The following AGMO variants were observed in gnomAD, a reference collection of about 807,000 sequenced individuals.
AGMO encodes the protein glyceryl-ether monooxygenase.
AGMO carries 75 observed loss-of-function variants against 60.2 expected under a neutral mutation model. The observed-to-expected ratio is 1.25, with a 90% CI of 1.03 to 1.51. The LOEUF (loss-of-function observed/expected upper bound fraction) is 1.51. Among genes scored for constraint, AGMO ranks in the 40% most tolerant of loss-of-function variants. The probability of loss-of-function intolerance (pLI) is 0.00; values close to 1 mark genes in which losing one functional copy is unlikely to be tolerated. For synonymous variants in AGMO, 261 were observed against 177.1 expected (o/e 1.47, Z -3.76); for missense variants, 763 against 525.5 (o/e 1.45, Z -4.42).
intron 2 of AGMO, among the ~76,000 whole-genome samples, chr7:15,553,559 A>G (rs1272785648): frequency 6.6e-6 from 1 of 151,918 alleles, no homozygotes; most frequent in Non-Finnish European, 1.5e-5. Context: ...GGCAAATGCC[A>G]CCAGCCTTAT....
chr7:15,376,037 T>C (rs966290200), intron 10 of AGMO, among the ~76,000 whole-genome samples: 1 of 152,162 alleles, frequency 6.6e-6, no homozygotes, highest in East Asian at 1.9e-4. Context: ...ATAATGTATT[T>C]AGGAAAATAC....
rs1562482832 is a variant in AGMO, at chr7:15,392,809, AAC to A, written c.676+1302_676+1303del. On this transcript the variant is annotated intron_variant, in intron 6 of 12. Coordinates refer to ENST00000342526, the MANE Select transcript of AGMO (RefSeq NM_001004320.2). ...ATGAGACTCTGTCTCAAAACAAACA[AAC>A]AAACAAACAAACAAACAAACAACTT... 3.3e-3 allele frequency among the ~76,000 whole-genome samples: 300 copies of A among 90,398 alleles called. 1 individual carries two copies. The highest frequency in any genetic ancestry group is 8.4e-3 in the African/African-American group (278 of 32,972). 59.3% of individuals were successfully genotyped at this position (90,398 alleles called of 152,430 possible). A position where few individuals can be genotyped will look rare whatever the true frequency, so the allele number is the denominator to read the frequency against.
intron 3 of AGMO, among the ~76,000 whole-genome samples, chr7:15,530,425 CGT>C (rs1562555709): frequency 1.7e-5 from 2 of 119,900 alleles, no homozygotes; most frequent in South Asian, 2.7e-4. Flanking sequence ...ATTCTAAATA[CGT>C]ATTTCTATAT....
At chr7:15,251,938 A>G (rs1583329861) in intron 12 of AGMO, among the ~76,000 whole-genome samples, 2 of 152,276 alleles carry the variant, frequency 1.3e-5, no homozygotes, top group East Asian at 3.9e-4. Flanking sequence ...AAAATATAAT[A>G]TGTTTACCAG....
chr7:15,123,087 C>CT, the AGMO span, among the ~76,000 whole-genome samples: 4 of 151,968 alleles, frequency 2.6e-5, no homozygotes, highest in Non-Finnish European at 5.9e-5. Flanking sequence ...TGCTCTTGCC[C>CT]TAGGGACCTA....
intron 12 of AGMO, among the ~76,000 whole-genome samples, chr7:15,279,888 G>GC (rs1338940903): frequency 6.6e-6 from 1 of 152,198 alleles, no homozygotes; most frequent in Non-Finnish European, 1.5e-5. Context: ...CAACAGTAGG[G>GC]AGAGCCTTGT....
the AGMO span, among the ~76,000 whole-genome samples, chr7:15,176,355 C>G: frequency 6.6e-6 from 1 of 151,830 alleles, no homozygotes; most frequent in Non-Finnish European, 1.5e-5. Flanking sequence ...CAGTTTTTCC[C>G]TTGAGCACGT....
intron 12 of AGMO, among the ~76,000 whole-genome samples, chr7:15,261,919 G>T (rs1465472925): frequency 2.0e-5 from 3 of 151,784 alleles, no homozygotes; most frequent in African/African-American, 7.3e-5. Flanking sequence ...AATCTCAATA[G>T]ATAAGCATTA....
chr7:15,319,726 C>CA (rs1171021933), intron 12 of AGMO, among the ~76,000 whole-genome samples: 24 of 151,512 alleles, frequency 1.6e-4, no homozygotes, highest in Admixed American at 7.2e-4. Context: ...TAGTAAGCAG[C>CA]AAGAAAAATG....
intron 3 of AGMO, among the ~76,000 whole-genome samples, chr7:15,516,023 A>C (rs1783798981): frequency 6.6e-6 from 1 of 152,194 alleles, no homozygotes; most frequent in African/African-American, 2.4e-5. Flanking sequence ...TATGATGTAA[A>C]TTACTTTACT....
chr7:15,391,325 ATC>A, intron 6 of AGMO, among the ~76,000 whole-genome samples: 1 of 152,142 alleles, frequency 6.6e-6, no homozygotes, highest in Admixed American at 6.5e-5. Context: ...TTTTAACTGC[ATC>A]TGTTTCAGGA....
At chr7:15,438,790 A>G (rs1476467579) in intron 3 of AGMO, among the ~76,000 whole-genome samples, 3 of 152,202 alleles carry the variant, frequency 2.0e-5, no homozygotes, top group Non-Finnish European at 4.4e-5. Flanking sequence ...GCTGTGAGTG[A>G]AAAGTAAATA....
the AGMO span, among the ~76,000 whole-genome samples, chr7:15,155,640 C>A: frequency 6.6e-6 from 1 of 151,888 alleles, no homozygotes; most frequent in African/African-American, 2.4e-5. Context: ...GTCATTTAAT[C>A]TATTTCAATC....
intron 12 of AGMO, among the ~76,000 whole-genome samples, chr7:15,251,897 G>A (rs1400713349): frequency 2.0e-5 from 3 of 152,188 alleles, no homozygotes; most frequent in Non-Finnish European, 4.4e-5. Flanking sequence ...AGGCATGCTA[G>A]TTATAAGACT....
intron 12 of AGMO, among the ~76,000 whole-genome samples, chr7:15,362,445 T>C (rs763628428): frequency 2.9e-4 from 44 of 152,290 alleles, no homozygotes; most frequent in Non-Finnish European, 4.1e-4. Flanking sequence ...ATAATAATAA[T>C]AGTAACACTC....
intron 3 of AGMO, among the ~76,000 whole-genome samples, chr7:15,504,583 A>C (rs1238881709): frequency 6.6e-6 from 1 of 151,990 alleles, no homozygotes. Context: ...TGGCAATAAC[A>C]TTCCTCTGAC....
chr7:15,472,522 C>T (rs956596591), intron 3 of AGMO, among the ~76,000 whole-genome samples: 7 of 151,766 alleles, frequency 4.6e-5, no homozygotes, highest in Admixed American at 1.3e-4. Context: ...GTCACCCAGC[C>T]GCAACTCTCA....
At chr7:15,210,176 A>G (rs909977489) in intron 12 of AGMO, among the ~76,000 whole-genome samples, 8 of 152,196 alleles carry the variant, frequency 5.3e-5, no homozygotes, top group African/African-American at 1.4e-4. Context: ...TCCTTATGAA[A>G]TAAGATTAAA....
At position 15,459,762 on chromosome 7, in the gene AGMO, T is replaced by C. The variant is rs1583574690; in HGVS notation, c.410-28654A>G. Among the ~76,000 whole-genome samples, 2 of 152,196 alleles carry C rather than the reference T, an allele frequency of 1.3e-5. 1 individual carries two copies. The highest frequency in any genetic ancestry group is 4.2e-4 in the South Asian group (2 of 4,818). On this transcript the variant is annotated intron_variant, in intron 3 of 12. Transcript: ENST00000342526. ...TGTATTTGACTCAGTTTAAACTAAA[T>C]GATAAAAATAAGGGTAAGAATGAGA...
Sources: gnomAD v4.1 joint callset for allele counts (sites outside exome capture counted in the v4.1 genomes callset) on GRCh38, gnomAD v4.1.1 for gene constraint, MANE v1.5 for transcripts, NCBI Gene and HGNC (gene_info 2026-07-23, HGNC 2026-07-21) for gene names.